UNC13B: variants seen among roughly 807,000 people sequenced by gnomAD.
The protein encoded by UNC13B is protein unc-13 homolog B.
In UNC13B, 144 loss-of-function variants were observed where a neutral mutation model predicts 211.0. That is an observed-to-expected ratio of 0.68 (90% CI 0.60 to 0.78). The LOEUF (loss-of-function observed/expected upper bound fraction) is 0.78, where lower values mean the gene tolerates loss of function less well. Ranked by LOEUF, UNC13B falls within the 30% of genes least tolerant of loss-of-function variation. The probability of loss-of-function intolerance (pLI) is 0.00; values close to 1 mark genes in which losing one functional copy is unlikely to be tolerated. For missense variants in UNC13B, 1,777 were observed against 2,002.0 expected, an observed-to-expected ratio of 0.89 and a Z score of 2.14; for synonymous variants, 709 against 725.8, an observed-to-expected ratio of 0.98 and a Z score of 0.37.
intron 21 of UNC13B, among the ~76,000 whole-genome samples, chr9:35,383,051 A>G (rs1834966598): frequency 6.6e-6 from 1 of 152,252 alleles, no homozygotes; most frequent in Non-Finnish European, 1.5e-5. Flanking sequence ...GGGCTTGGCC[A>G]GAACCCCTCT....
intron 11 of UNC13B, among the ~76,000 whole-genome samples, chr9:35,331,609 T>A (rs961026904): frequency 2.0e-5 from 3 of 152,176 alleles, no homozygotes; most frequent in Non-Finnish European, 2.9e-5. Context: ...TGGGACTATT[T>A]GTAAGACATT....
At chr9:35,193,784 C>T (rs1485757696) in intron 1 of UNC13B, among the ~76,000 whole-genome samples, 2 of 151,946 alleles carry the variant, frequency 1.3e-5, no homozygotes, top group Non-Finnish European at 2.9e-5. Context: ...CCAGAATTTT[C>T]CCATTTACAG....
intron 6 of UNC13B, among the ~76,000 whole-genome samples, chr9:35,243,773 C>T (rs1416264103): frequency 6.6e-6 from 1 of 152,098 alleles, no homozygotes; most frequent in Non-Finnish European, 1.5e-5. Flanking sequence ...CCTAACTTAC[C>T]TCCAGAGATG....
In UNC13B at chr9:35,295,723, A is replaced by T; in HGVS notation, c.554A>T (p.Asp185Val). Reference protein sequence around the residue: ...CSFEDPDSAVDDRDSDYRSET... With the variant: ...CSFEDPDSAVVDRDSDYRSET... ...TTTGAAGACCCTGATAGTGCCGTCG[A>T]TGACCGAGATAGTGACTATCGCAGT... Residue 185 changes from aspartate (D) to valine (V), a missense_variant, in exon 8 of 40, where the codon GAT becomes GTT. Transcript: ENST00000635942. The T allele has an allele frequency of 6.2e-7, 1 of 1,614,118 alleles. No individual in the cohort carries two copies. Among genetic ancestry groups the T allele is most frequent in the Non-Finnish European group, 8.5e-7 (1 of 1,180,022 alleles).
intron 1 of UNC13B, among the ~76,000 whole-genome samples, chr9:35,198,639 CAGA>C (rs1316708456): frequency 6.6e-6 from 1 of 151,920 alleles, no homozygotes; most frequent in Non-Finnish European, 1.5e-5. Context: ...GTGGAGGGCT[CAGA>C]AGAAGATAGA....
chr9:35,261,433 A>C (rs935069333), intron 7 of UNC13B, among the ~76,000 whole-genome samples: 2 of 152,128 alleles, frequency 1.3e-5, no homozygotes, highest in Non-Finnish European at 2.9e-5. Flanking sequence ...AATTGTCCCC[A>C]AAAATATTTT....
At chr9:35,362,253 G>A (rs1833465212) in intron 11 of UNC13B, among the ~76,000 whole-genome samples, 1 of 152,086 alleles carries the variant, frequency 6.6e-6, no homozygotes. Context: ...TAGGGACAGA[G>A]TGCAGAGAGG....
At chr9:35,261,729 A>AT (rs1423908188) in intron 7 of UNC13B, among the ~76,000 whole-genome samples, 1 of 152,096 alleles carries the variant, frequency 6.6e-6, no homozygotes, top group Non-Finnish European at 1.5e-5. Flanking sequence ...CTAGATAACT[A>AT]TTTTTGTACG....
intron 11 of UNC13B, among the ~76,000 whole-genome samples, chr9:35,319,761 G>A (rs546665933): frequency 4.6e-4 from 70 of 152,106 alleles, no homozygotes; most frequent in African/African-American, 1.6e-3. Context: ...CTGGGCTCAA[G>A]CAACCCTTCA....
At chr9:35,229,193 C>T (rs1470665422) in intron 2 of UNC13B, among the ~76,000 whole-genome samples, 1 of 152,040 alleles carries the variant, frequency 6.6e-6, no homozygotes, top group Non-Finnish European at 1.5e-5. Flanking sequence ...GGAAGACTTC[C>T]TCTGGTTACT....
Position 35,306,493 on chromosome 9 carries a change from C to A in UNC13B, c.7089C>A (p.Asn2363Lys), listed in dbSNP as rs372582499. Residue 2363 changes from asparagine to lysine, a missense_variant, in exon 9 of 40, where the codon AAC becomes AAA. Physicochemically the swap from Asn to Lys is moderately conservative, Grantham distance 94. Coordinates refer to ENST00000635942, the MANE Select transcript of UNC13B (RefSeq NM_001371189.2). ...GIAPHEEEAFNHKAFPSDSLS... is the reference protein window; with the variant it reads ...GIAPHEEEAFKHKAFPSDSLS... ...CTCCCCATGAAGAAGAGGCTTTCAA[C>A]CACAAAGCCTTCCCCAGTGACTCAC... 244 of 399,052 alleles carry A rather than the reference C, an allele frequency of 6.1e-4. 2 individuals carry two copies. In the South Asian group the frequency reaches 0.019, roughly 32 times the overall value. 24.7% of individuals were successfully genotyped at this position (399,052 alleles called of 1,614,324 possible).
At position 35,301,081 on chromosome 9, in the gene UNC13B, A is replaced by G. The variant is rs1829657920; in HGVS notation, c.1677A>G (p.Glu559=). 2.5e-6 allele frequency: 1 copy of G among 398,818 alleles called. No individual in the cohort carries two copies. The highest frequency in any genetic ancestry group is 1.3e-4 in the South Asian group (1 of 7,860). The allele number at this position is 398,818 out of a possible 1,614,324, so 24.7% of individuals were successfully genotyped here. The part of the protein sequence containing the change: ...SGTKHLTNSV[E]KLVSLVPEKT... Reference sequence around the variant, plus strand: ...CAAAGCATCTAACAAACTCTGTGGAAAAGTTGGTTTCCTTAGTTCCAGAAA... The same window carrying G: ...CAAAGCATCTAACAAACTCTGTGGAGAAGTTGGTTTCCTTAGTTCCAGAAA... The change falls in exon 9 of 40, where the codon GAA becomes GAG. Residue 559 remains glutamate, a synonymous_variant. Coordinates refer to ENST00000635942, the MANE Select transcript of UNC13B (RefSeq NM_001371189.2).
At chr9:35,401,448 G>C (rs1427766590) in intron 37 of UNC13B, among the ~76,000 whole-genome samples, 1 of 152,218 alleles carries the variant, frequency 6.6e-6, no homozygotes, top group Middle Eastern at 3.4e-3. Context: ...TACAGAGCTG[G>C]GTACATGTTC....
At chr9:35,213,864 A>G (rs1824106978) in intron 1 of UNC13B, among the ~76,000 whole-genome samples, 1 of 152,176 alleles carries the variant, frequency 6.6e-6, no homozygotes, top group Non-Finnish European at 1.5e-5. Context: ...CCCCAAAAAG[A>G]CAGTCCAAAG....
intron 7 of UNC13B, among the ~76,000 whole-genome samples, chr9:35,263,857 C>T (rs190863270): frequency 6.6e-6 from 1 of 152,228 alleles, no homozygotes; most frequent in East Asian, 1.9e-4. Flanking sequence ...ATCTGTAAGC[C>T]AGGAAGAAAG....
chr9:35,392,132 T>C (rs1247966395), intron 26 of UNC13B, among the ~76,000 whole-genome samples: 1 of 152,204 alleles, frequency 6.6e-6, no homozygotes, highest in Admixed American at 6.5e-5. Context: ...GATGATAGCA[T>C]CTGTTTCTTT....
At chr9:35,298,717 A>G (rs914351791) in intron 8 of UNC13B, among the ~76,000 whole-genome samples, 12 of 152,070 alleles carry the variant, frequency 7.9e-5, no homozygotes, top group Non-Finnish European at 1.0e-4. Flanking sequence ...AACACACTGA[A>G]CTCATAAGCT....
At chr9:35,297,561 T>TTTTTTTTTTTTTTTTTTTGTTTTG in intron 8 of UNC13B, among the ~76,000 whole-genome samples, 3 of 128,228 alleles carry the variant, frequency 2.3e-5, no homozygotes, top group Admixed American at 7.8e-5. Context: ...TTTTTTTTTT[T>TTTTTTTTTTTTTTTTTTTGTTTTG]TTTTTTGAGA....
chr9:35,385,836 G>A (rs1835152615), intron 23 of UNC13B, 23 bp downstream of exon 23: 1 of 1,599,038 alleles, frequency 6.3e-7, no homozygotes, highest in East Asian at 2.2e-5. Flanking sequence ...CTGGGGCTTG[G>A]GTGGTGCTGG....
Sources: allele counts gnomAD v4.1 joint callset (sites outside exome capture counted in the v4.1 genomes callset), GRCh38; gene constraint gnomAD v4.1.1; transcripts MANE v1.5; gene names NCBI Gene and HGNC (gene_info 2026-07-23, HGNC 2026-07-21).